Variants in CDH23 observed in about 807,000 individuals in gnomAD.
CDH23 encodes the protein cadherin-23.
CDH23 carries 189 observed loss-of-function variants against 317.1 expected under a neutral mutation model. The ratio of observed to expected loss-of-function variants is 0.60; its 90% CI spans 0.53 to 0.67. The LOEUF (loss-of-function observed/expected upper bound fraction) is 0.67, where lower values mean the gene tolerates loss of function less well. Ranked by LOEUF, CDH23 falls within the 30% of genes least tolerant of loss-of-function variation. The pLI, the probability that CDH23 is intolerant of heterozygous loss-of-function variation, is 0.00. For synonymous variants in CDH23, 1,839 were observed against 1,876.8 expected, an observed-to-expected ratio of 0.98 and a Z score of 0.52; for missense variants, 4,401 against 4,592.4, an observed-to-expected ratio of 0.96 and a Z score of 1.20.
At chr10:71,685,008 T>C (rs1254601740) in intron 18 of CDH23, among the ~76,000 whole-genome samples, 2 of 152,218 alleles carry the variant, frequency 1.3e-5, no homozygotes, top group Admixed American at 1.3e-4. Context: ...AGTGCCTTTC[T>C]TCCTTACTGG....
intron 3 of CDH23, among the ~76,000 whole-genome samples, chr10:71,477,120 G>A (rs1156329385): frequency 6.6e-6 from 1 of 152,172 alleles, no homozygotes; most frequent in Non-Finnish European, 1.5e-5. Flanking sequence ...GGCAGTTCCT[G>A]CAGATGTTGT....
At chr10:71,514,657 C>A (rs577728860) in intron 6 of CDH23, among the ~76,000 whole-genome samples, 3 of 152,318 alleles carry the variant, frequency 2.0e-5, no homozygotes, top group African/African-American at 7.2e-5. Flanking sequence ...ACTCCCCTCA[C>A]TAAGCTGTTC....
rs1839717961 is a variant in CDH23 at position 71,740,956 on chromosome 10, G to A, written c.4617+6G>A. 1 of 1,613,896 alleles carries A rather than the reference G, an allele frequency of 6.2e-7. No homozygotes were observed. The highest frequency in any genetic ancestry group is 8.5e-7 in the Non-Finnish European group (1 of 1,179,852). On this transcript the variant is annotated splice_donor_region_variant and intron_variant, in intron 37 of 69. Transcript: ENST00000224721. ...ACAATGTCAGTGTGAATGAGGTGAG[G>A]GCAGCCCCGGGGCCCATATAGCTGG...
In CDH23 at chr10:71,800,663, G is replaced by A; in HGVS notation, c.7390G>A (p.Asp2464Asn). Reference protein sequence around the residue: ...TGDIYVLSSLDREKKDHYILT... With the variant: ...TGDIYVLSSLNREKKDHYILT... ...TGACATCTATGTGCTGTCTTCTCTGGACCGGGAGAAGAAGGACCACTATAT... is the reference window on the plus strand; with the variant it reads ...TGACATCTATGTGCTGTCTTCTCTGAACCGGGAGAAGAAGGACCACTATAT... Residue 2464 changes from aspartate (D) to asparagine (N), a missense_variant, in exon 53 of 70, where the codon GAC becomes AAC. By Grantham distance (23) the Asp-to-Asn change is conservative (BLOSUM62 1). Coordinates refer to ENST00000224721, the MANE Select transcript of CDH23 (RefSeq NM_022124.6). 1 of 1,613,950 alleles carries A rather than the reference G, an allele frequency of 6.2e-7. No individual in the cohort carries two copies.
chr10:71,531,175 C>G (rs1322208480), intron 6 of CDH23, among the ~76,000 whole-genome samples: 2 of 152,164 alleles, frequency 1.3e-5, no homozygotes, highest in Non-Finnish European at 2.9e-5. Flanking sequence ...CCCTTGGGCC[C>G]AGCAGCAGCA....
In CDH23 at chr10:71,759,915, A is replaced by ATATACACACACACG. The variant is rs1564779327; in HGVS notation, c.4846-17761_4846-17760insCACACACACGTATA. ...CACACACACATATATACACACACAC[A>ATATACACACACACG]TATATACACACACACATATATACAC... On this transcript the variant is annotated intron_variant, in intron 38 of 69. Transcript: ENST00000224721. Among the ~76,000 whole-genome samples the ATATACACACACACG allele has an allele frequency of 2.9e-3, 208 of 70,630 alleles. 7 individuals are homozygous for ATATACACACACACG. Among genetic ancestry groups the ATATACACACACACG allele is most frequent in the African/African-American group, 8.5e-3 (192 of 22,516 alleles). 46.3% of individuals were successfully genotyped at this position (70,630 alleles called of 152,430 possible).
Position 71,706,946 on chromosome 10 carries a change from T to A in CDH23, c.3003T>A (p.Asn1001Lys). The change falls in exon 26 of 70, where the codon AAT becomes AAA. Residue 1001 changes from asparagine (N) to lysine (K), a missense_variant. Physicochemically the swap from Asn to Lys is moderately conservative, Grantham distance 94 (BLOSUM62 0). Transcript: ENST00000224721. ...CCACCTTCTTCCCGGCCGTGTACAATGTGTCTGTGTCCGAGGACGTGCCAC... is the reference window on the plus strand; with the variant it reads ...CCACCTTCTTCCCGGCCGTGTACAAAGTGTCTGTGTCCGAGGACGTGCCAC... ...ETPTFFPAVY[N>K]VSVSEDVPRE... The A allele has an allele frequency of 6.2e-7, 1 of 1,607,572 alleles. No homozygotes were observed. The highest frequency in any genetic ancestry group is 8.5e-7 in the Non-Finnish European group (1 of 1,177,288).
At position 71,566,816 on chromosome 10, in the gene CDH23, C is replaced by G. The variant is rs1246506967; in HGVS notation, c.504C>G (p.Leu168=). The part of the protein sequence containing the change: ...DPDLGAGGSV[L]YSFQPPSQFF... ...ACTTGGGGGCAGGGGGCAGCGTCCT[C>G]TACTCCTTCCAGCCCCCCTCCCAAT... The change falls in exon 7 of 70, where the codon CTC becomes CTG. Residue 168 remains leucine, a synonymous_variant. Coordinates refer to ENST00000224721, the MANE Select transcript of CDH23 (RefSeq NM_022124.6). 1 of 1,614,002 alleles carries G rather than the reference C, an allele frequency of 6.2e-7. No homozygotes were observed. The highest frequency in any genetic ancestry group is 2.2e-5 in the East Asian group (1 of 44,882).
chr10:71,760,070 CACATAT>C (rs1183893234), intron 38 of CDH23, among the ~76,000 whole-genome samples: 2 of 139,260 alleles, frequency 1.4e-5, no homozygotes, highest in African/African-American at 5.4e-5. Context: ...TATACACACA[CACATAT>C]ATATACACAC....
intron 40 of CDH23, 112 bp downstream of exon 40, chr10:71,778,420 T>A: frequency 7.3e-7 from 1 of 1,367,752 alleles, no homozygotes; most frequent in Non-Finnish European, 1.0e-6. Flanking sequence ...GGGAAATGCC[T>A]AAATCCAAGA....
intron 38 of CDH23, among the ~76,000 whole-genome samples, chr10:71,746,481 C>T (rs1839855642): frequency 6.6e-6 from 1 of 152,242 alleles, no homozygotes; most frequent in South Asian, 2.1e-4. Context: ...CCCAGGCCCG[C>T]CACACAATGG....
chr10:71,640,056 G>A (rs1346107666), intron 11 of CDH23, among the ~76,000 whole-genome samples: 1 of 152,178 alleles, frequency 6.6e-6, no homozygotes, highest in African/African-American at 2.4e-5. Context: ...CAAGGAGAAG[G>A]GAGCAAGTCT....
chr10:71,815,101 C>A lies in CDH23; in HGVS notation c.9888C>A (p.Asp3296Glu). The change falls in exon 70 of 70, where the codon GAC (aspartate) becomes GAA (glutamate). Residue 3296 changes from aspartate (D) to glutamate (E), a missense_variant. Physicochemically the swap from Asp to Glu is conservative, Grantham distance 45. Coordinates refer to ENST00000224721, the MANE Select transcript of CDH23 (RefSeq NM_022124.6). Reference protein sequence around the residue: ...HGSTGTLLATDLNSLPEEDQK... With the variant: ...HGSTGTLLATELNSLPEEDQK... ...GCACGGGCACGCTGCTGGCCACCGA[C>A]CTCAACAGCCTGCCCGAGGAAGACC... is the stretch of plus-strand genomic sequence containing the variant. 2.5e-6 allele frequency: 4 copies of A among 1,611,264 alleles called. No individual in the cohort carries two copies. The highest frequency in any genetic ancestry group is 3.4e-6 in the Non-Finnish European group (4 of 1,179,158).
At chr10:71,531,660 G>A (rs755557402) in intron 6 of CDH23, among the ~76,000 whole-genome samples, 9 of 152,020 alleles carry the variant, frequency 5.9e-5, no homozygotes, top group East Asian at 3.9e-4. Flanking sequence ...CTGAGGTAGC[G>A]GCTGAGGACC....
rs1316447686 is a variant in CDH23 at position 71,706,522 on chromosome 10, GC to G, written c.2954-374del. ...GAAGCACTCAGCATGGGCTTGGCAC[GC>G]TGGACAAGCTCGTAAATGGTCACTG... On this transcript the variant is annotated intron_variant, in intron 25 of 69. Coordinates refer to ENST00000224721, the MANE Select transcript of CDH23 (RefSeq NM_022124.6). 2.4e-4 allele frequency among the ~76,000 whole-genome samples: 36 copies of G among 152,228 alleles called. 1 individual carries two copies. The highest frequency in any genetic ancestry group is 2.0e-4 in the Admixed American group (3 of 15,282).
intron 3 of CDH23, among the ~76,000 whole-genome samples, chr10:71,477,721 C>T (rs547911001): frequency 2.0e-5 from 3 of 152,174 alleles, no homozygotes; most frequent in East Asian, 1.9e-4. Flanking sequence ...ACATTCAGTT[C>T]GTTGCCTAAG....
intron 3 of CDH23, among the ~76,000 whole-genome samples, chr10:71,472,434 T>C (rs1851565371): frequency 6.6e-6 from 1 of 152,208 alleles, no homozygotes; most frequent in South Asian, 2.1e-4. Flanking sequence ...TGTGACCGAT[T>C]CCCCACGTTA....
chr10:71,433,618 A>G (rs1375539872), intron 1 of CDH23, among the ~76,000 whole-genome samples: 3 of 151,614 alleles, frequency 2.0e-5, no homozygotes, highest in Non-Finnish European at 4.4e-5. Context: ...GTCAACAGCC[A>G]TGCCAGACTC....
intron 38 of CDH23, among the ~76,000 whole-genome samples, chr10:71,759,816 A>AAT (rs201264532): frequency 6.4e-5 from 2 of 31,154 alleles, no homozygotes; most frequent in Admixed American, 2.7e-4. Flanking sequence ...TGTTTCAGAA[A>AAT]ATATACACAC....
Sources: allele counts gnomAD v4.1 joint callset (sites outside exome capture counted in the v4.1 genomes callset), GRCh38; gene constraint gnomAD v4.1.1; transcripts MANE v1.5; gene names NCBI Gene and HGNC (gene_info 2026-07-23, HGNC 2026-07-21).